Variants in TMCC3 observed in about 807,000 individuals in gnomAD.
TMCC3 encodes transmembrane and coiled-coil domain family 3.
TMCC3 carries 28 observed loss-of-function variants against 40.2 expected under a neutral mutation model. That is an observed-to-expected ratio of 0.70 (90% CI 0.52 to 0.95). TMCC3 has a LOEUF of 0.95. Ranked by LOEUF, TMCC3 falls within the 40% of genes least tolerant of loss-of-function variation. TMCC3 has a pLI of 0.00. For synonymous variants in TMCC3, 255 were observed against 248.5 expected (o/e 1.03, Z -0.25); for missense variants, 554 against 615.2 (o/e 0.90, Z 1.05).
intron 1 of TMCC3, among the ~76,000 whole-genome samples, chr12:94,597,164 T>TATATATATATATATATATAA (rs1488070684): frequency 5.5e-5 from 5 of 90,462 alleles, no homozygotes; most frequent in African/African-American, 1.3e-4. Context: ...TATATGTATA[T>TATATATATATATATATATAA]AAATTAGCCA....
Position 94,569,184 on chromosome 12 carries a change from C to G in TMCC3, c.*2251G>C, listed in dbSNP as rs1406892714. On this transcript the variant is annotated 3_prime_UTR_variant, in exon 4 of 4. Transcript: ENST00000261226. The stretch of plus-strand genomic sequence containing the variant: ...CAGCAGCACTCAATCCCTGGTGTGT[C>G]CGAAGTGGTGCTTGGAAAGATTCAC... 6.6e-6 allele frequency: 1 copy of G among 152,230 alleles called. No homozygotes were observed. Among genetic ancestry groups the G allele is most frequent in the Non-Finnish European group, 1.5e-5 (1 of 68,084 alleles). The allele number at this position is 152,230 out of a possible 1,614,324, so 9.4% of individuals were successfully genotyped here. A position where few individuals can be genotyped will look rare whatever the true frequency, so the allele number is the denominator to read the frequency against.
chr12:94,602,737 A>C (rs574879600), intron 1 of TMCC3, among the ~76,000 whole-genome samples: 2 of 152,250 alleles, frequency 1.3e-5, no homozygotes, highest in African/African-American at 4.8e-5. Context: ...ACAGGAGTGC[A>C]CCATCATGCC....
At chr12:94,609,636 G>A (rs1022142281) in intron 1 of TMCC3, among the ~76,000 whole-genome samples, 1 of 152,102 alleles carries the variant, frequency 6.6e-6, no homozygotes, top group African/African-American at 2.4e-5. Flanking sequence ...TTATGTATCA[G>A]GTAAGATAAC....
Position 94,570,302 on chromosome 12 carries a change from T to C in TMCC3, c.*1133A>G, listed in dbSNP as rs1044097412. The C allele has an allele frequency of 6.6e-6, 1 of 152,230 alleles. No homozygotes were observed. The highest frequency in any genetic ancestry group is 2.4e-5 in the African/African-American group (1 of 41,458). The allele number at this position is 152,230 out of a possible 1,614,324, so 9.4% of individuals were successfully genotyped here. A position where few individuals can be genotyped will look rare whatever the true frequency, so the allele number is the denominator to read the frequency against. ...CCGACACCTCAGTGCACTTGAACTTTAGAGGCTATGGTTCGGTTGTCCTTC... is the reference window on the plus strand; with the variant it reads ...CCGACACCTCAGTGCACTTGAACTTCAGAGGCTATGGTTCGGTTGTCCTTC... On this transcript the variant is annotated 3_prime_UTR_variant, in exon 4 of 4. Coordinates refer to ENST00000261226, the MANE Select transcript of TMCC3 (RefSeq NM_020698.4).
chr12:94,649,515 G>A (rs1465567240), intron 1 of TMCC3, among the ~76,000 whole-genome samples: 1 of 152,118 alleles, frequency 6.6e-6, no homozygotes, highest in Non-Finnish European at 1.5e-5. Context: ...GAGGTGCTTT[G>A]TTAAATGGCA....
chr12:94,635,836 T>G (rs980635608), intron 1 of TMCC3, among the ~76,000 whole-genome samples: 6 of 151,966 alleles, frequency 3.9e-5, no homozygotes, highest in African/African-American at 1.5e-4. Flanking sequence ...CCAGCTAATT[T>G]TTTTGTATTT....
chr12:94,644,503 G>A (rs2069007780), intron 1 of TMCC3: 2 of 912,400 alleles, frequency 2.2e-6, no homozygotes, highest in Non-Finnish European at 2.6e-6. Context: ...GTGACAGGCG[G>A]GTGAGCTGGT....
At chr12:94,613,075 T>C (rs1566328322) in intron 1 of TMCC3, among the ~76,000 whole-genome samples, 1 of 151,272 alleles carries the variant, frequency 6.6e-6, no homozygotes, top group East Asian at 1.9e-4. Context: ...ATTGGAGATA[T>C]ATATATATAT....
intron 1 of TMCC3, among the ~76,000 whole-genome samples, chr12:94,646,701 AG>A (rs2069020862): frequency 6.7e-6 from 1 of 148,952 alleles, no homozygotes; most frequent in Admixed American, 6.7e-5. Flanking sequence ...GGCCTCCCAA[AG>A]TCCTGGGATT....
At chr12:94,604,790 T>A (rs1478244038) in intron 1 of TMCC3, among the ~76,000 whole-genome samples, 3 of 103,914 alleles carry the variant, frequency 2.9e-5, no homozygotes. Context: ...AGTGACAGAG[T>A]GAGACTTCAT....
At chr12:94,635,543 A>G (rs1482271919) in intron 1 of TMCC3, among the ~76,000 whole-genome samples, 2 of 152,362 alleles carry the variant, frequency 1.3e-5, no homozygotes, top group East Asian at 1.9e-4. Flanking sequence ...AGAGAATTAA[A>G]AGCAAAATTT....
chr12:94,650,319 G>A (rs946482043), intron 1 of TMCC3, 34 bp downstream of exon 1: 140 of 1,231,188 alleles, frequency 1.1e-4, no homozygotes, highest in Non-Finnish European at 1.4e-4. Context: ...CCGGGCCCGC[G>A]CGCACCCGCC....
intron 1 of TMCC3, among the ~76,000 whole-genome samples, chr12:94,622,877 G>C (rs964488992): frequency 2.0e-5 from 3 of 148,712 alleles, no homozygotes; most frequent in Non-Finnish European, 4.4e-5. Flanking sequence ...CAACACTTCT[G>C]TATTTACTGA....
At chr12:94,624,956 C>T (rs932462162) in intron 1 of TMCC3, among the ~76,000 whole-genome samples, 5 of 151,566 alleles carry the variant, frequency 3.3e-5, no homozygotes, top group Non-Finnish European at 1.5e-5. Context: ...GCCTGGTCAA[C>T]ATGGTGAAAC....
intron 1 of TMCC3, among the ~76,000 whole-genome samples, chr12:94,626,943 C>T (rs1026564594): frequency 6.6e-6 from 1 of 152,292 alleles, no homozygotes; most frequent in African/African-American, 2.4e-5. Flanking sequence ...TGACTGCAAC[C>T]TCCACCTCCT....
chr12:94,648,380 C>G (rs188487099), intron 1 of TMCC3, among the ~76,000 whole-genome samples: 19 of 152,284 alleles, frequency 1.2e-4, no homozygotes, highest in African/African-American at 4.3e-4. Flanking sequence ...GCGCCCACCA[C>G]CACGCCCGGC....
intron 1 of TMCC3, among the ~76,000 whole-genome samples, chr12:94,601,170 T>C (rs1453257639): frequency 1.3e-5 from 2 of 152,212 alleles, no homozygotes; most frequent in Non-Finnish European, 2.9e-5. Context: ...TAATTACCTT[T>C]GTTAATTTTA....
intron 1 of TMCC3, among the ~76,000 whole-genome samples, chr12:94,592,152 T>C (rs1365768940): frequency 6.6e-6 from 1 of 152,176 alleles, no homozygotes; most frequent in African/African-American, 2.4e-5. Flanking sequence ...ACAGTGTTTG[T>C]TCTAACTTGT....
chr12:94,577,191 A>T (rs148851389), intron 3 of TMCC3, among the ~76,000 whole-genome samples: 227 of 152,160 alleles, frequency 1.5e-3, no homozygotes, highest in East Asian at 9.5e-3. Flanking sequence ...TTAATTAATT[A>T]ATTTATTCAT....
Sources: allele counts gnomAD v4.1 joint callset (sites outside exome capture counted in the v4.1 genomes callset), GRCh38; gene constraint gnomAD v4.1.1; transcripts MANE v1.5; gene names NCBI Gene and HGNC (gene_info 2026-07-23, HGNC 2026-07-21).